CACNA1A: variants seen among roughly 807,000 people sequenced by gnomAD.
CACNA1A encodes voltage-dependent P/Q-type calcium channel subunit alpha-1A.
Under a neutral mutation model 262.4 loss-of-function variants are expected in CACNA1A, and 57 were observed. The ratio of observed to expected loss-of-function variants is 0.22; its 90% CI spans 0.18 to 0.27. The LOEUF (loss-of-function observed/expected upper bound fraction) is 0.27, where lower values mean the gene tolerates loss of function less well. Among genes scored for constraint, CACNA1A ranks in the 10% least tolerant of loss-of-function variants. CACNA1A has a pLI of 1.00. For missense variants in CACNA1A, 2,526 were observed against 3,562.8 expected (o/e 0.71, Z 7.41); for synonymous variants, 1,431 against 1,419.3 (o/e 1.01, Z -0.18).
chr19:13,266,821 C>G (rs1013956266), intron 24 of CACNA1A, among the ~76,000 whole-genome samples: 1 of 152,086 alleles, frequency 6.6e-6, no homozygotes, highest in African/African-American at 2.4e-5. Flanking sequence ...GTGATCTACC[C>G]GCCTCGGCCT....
intron 3 of CACNA1A, among the ~76,000 whole-genome samples, chr19:13,418,513 C>T (rs1389966309): frequency 6.6e-6 from 1 of 152,060 alleles, no homozygotes; most frequent in East Asian, 1.9e-4. Context: ...AGAGTTTATT[C>T]CTGGATTTTC....
intron 3 of CACNA1A, 40 bp from the exon 4 acceptor site, chr19:13,371,819 T>C: frequency 6.8e-7 from 1 of 1,462,564 alleles, no homozygotes. Flanking sequence ...GAGGGTGGGT[T>C]TTGGGGGTCA....
At chr19:13,460,406 C>T (rs1599306061) in intron 1 of CACNA1A, among the ~76,000 whole-genome samples, 1 of 152,182 alleles carries the variant, frequency 6.6e-6, no homozygotes, top group South Asian at 2.1e-4. Context: ...GAGAACTGAA[C>T]AGCCCTGGGT....
At chr19:13,492,056 A>C (rs1209588616) in intron 1 of CACNA1A, among the ~76,000 whole-genome samples, 1 of 152,112 alleles carries the variant, frequency 6.6e-6, no homozygotes, top group Admixed American at 6.5e-5. Context: ...GAGGAAAGGC[A>C]GGCCCAGGGG....
rs573312226 is a variant in CACNA1A, at chr19:13,496,714, A to G, written c.293+9218T>C. 2.0e-5 allele frequency among the ~76,000 whole-genome samples: 3 copies of G among 152,306 alleles called. No individual in the cohort carries two copies. In the East Asian group the frequency reaches 5.8e-4, roughly 29 times the overall value. On this transcript the variant is annotated intron_variant, in intron 1 of 46. Coordinates refer to ENST00000360228, the MANE Select transcript of CACNA1A (RefSeq NM_001127222.2). ...TGGCAAGAAAGAGCAGAATATTAACACTTATGCAGCACCTACTGTGTGCCA... is the reference window on the plus strand; with the variant it reads ...TGGCAAGAAAGAGCAGAATATTAACGCTTATGCAGCACCTACTGTGTGCCA...
chr19:13,327,647 C>G (rs1289569581), intron 10 of CACNA1A, among the ~76,000 whole-genome samples: 1 of 151,496 alleles, frequency 6.6e-6, no homozygotes, highest in African/African-American at 2.4e-5. Flanking sequence ...CATCTCAGCT[C>G]ACTGCAGCCT....
Position 13,235,204 on chromosome 19 carries a change from C to G in CACNA1A, c.5133+5G>C. The G allele has an allele frequency of 6.2e-7, 1 of 1,606,930 alleles. No individual in the cohort carries two copies. Among genetic ancestry groups the G allele is most frequent in the Non-Finnish European group, 8.5e-7 (1 of 1,176,480 alleles). On this transcript the variant is annotated splice_donor_5th_base_variant and intron_variant, in intron 33 of 46. Coordinates refer to ENST00000360228, the MANE Select transcript of CACNA1A (RefSeq NM_001127222.2). ...CTCTGGGAACCTTAGGGACACGACA[C>G]TCACCTGCATCCCAATGATGGCATA...
chr19:13,318,288 A>G (rs1367746242), intron 10 of CACNA1A, among the ~76,000 whole-genome samples: 9 of 152,186 alleles, frequency 5.9e-5, no homozygotes, highest in African/African-American at 2.2e-4. Flanking sequence ...AAGGTCCTGA[A>G]GCATGAATGT....
rs373107804 is a variant in CACNA1A, at chr19:13,299,226, A to G, written c.2407T>C (p.Trp803Arg). ...AGGTGCCGCGTGTAGGCAGCCTTCCAGCGCTCGTCCGGGTCCATTTCGTTA... is the reference window on the plus strand; with the variant it reads ...AGGTGCCGCGTGTAGGCAGCCTTCCGGCGCTCGTCCGGGTCCATTTCGTTA... ...LYNEMDPDER[W>R]KAAYTRHLRP... The change falls in exon 19 of 47, where the codon TGG (tryptophan) becomes CGG (arginine). Residue 803 changes from tryptophan to arginine, a missense_variant. Around this residue, in one of 17 missense-constraint regions of CACNA1A, gnomAD observed 765 missense variants for 748.6 expected, o/e 1.02. Transcript: ENST00000360228. 3 of 1,610,824 alleles carry G rather than the reference A, an allele frequency of 1.9e-6. No homozygotes were observed. The highest frequency in any genetic ancestry group is 1.1e-5 in the South Asian group (1 of 91,086).
At chr19:13,391,457 C>T (rs911583756) in intron 3 of CACNA1A, among the ~76,000 whole-genome samples, 10 of 152,084 alleles carry the variant, frequency 6.6e-5, no homozygotes, top group African/African-American at 2.4e-4. Context: ...GTTTCTATTT[C>T]GGGTGGTTTC....
intron 6 of CACNA1A, among the ~76,000 whole-genome samples, chr19:13,354,556 C>T (rs910108655): frequency 5.9e-5 from 9 of 152,286 alleles, no homozygotes; most frequent in Non-Finnish European, 8.8e-5. Flanking sequence ...AGACGCTACT[C>T]GTTGTTTTAG....
intron 29 of CACNA1A, 85 bp downstream of exon 29, chr19:13,255,010 A>G: frequency 7.5e-7 from 1 of 1,338,776 alleles, no homozygotes; most frequent in Non-Finnish European, 1.1e-6. Context: ...TGTCTGGGAA[A>G]CTGCAGATGG....
At position 13,285,126 on chromosome 19, in the gene CACNA1A, C is replaced by A. The variant is rs201269793; in HGVS notation, c.3634G>T (p.Asp1212Tyr). Residue 1212 changes from aspartate to tyrosine, a missense_variant, in exon 21 of 47, where the codon GAC (aspartate) becomes TAC (tyrosine). Coordinates refer to ENST00000360228, the MANE Select transcript of CACNA1A (RefSeq NM_001127222.2). ...KEEEEDDRGE[D>Y]GPKPMPPYSS... The stretch of plus-strand genomic sequence containing the variant: ...TAGGGAGGCATTGGCTTAGGGCCGT[C>A]TTCCCCACGGTCGTCTTCCTCCTCC... The A allele has an allele frequency of 2.9e-5, 46 of 1,613,858 alleles. No individual in the cohort carries two copies. The highest frequency in any genetic ancestry group is 2.2e-4 in the Admixed American group (13 of 59,998).
chr19:13,334,263 T>C, intron 8 of CACNA1A, 115 bp downstream of exon 8: 1 of 649,218 alleles, frequency 1.5e-6, no homozygotes. Context: ...ATTCAGGTTC[T>C]CTTTCTCCTC....
At position 13,238,595 on chromosome 19, in the gene CACNA1A, AT is replaced by A. The variant is rs113456944; in HGVS notation, c.4951-2866del. Among the ~76,000 whole-genome samples, 333 of 147,522 alleles carry A rather than the reference AT, an allele frequency of 2.3e-3. 2 individuals are homozygous for A. The highest frequency in any genetic ancestry group is 7.5e-3 in the African/African-American group (302 of 40,024). Reference sequence around the variant, plus strand: ...CACTCGCTCACCTCTATCACCCAGTATTTTTTTTTTAAGAGAGTCTCACTCT... The same window carrying A: ...CACTCGCTCACCTCTATCACCCAGTATTTTTTTTTAAGAGAGTCTCACTCT... On this transcript the variant is annotated intron_variant, in intron 31 of 46. Coordinates refer to ENST00000360228, the MANE Select transcript of CACNA1A (RefSeq NM_001127222.2).
chr19:13,380,517 G>A (rs1234957077), intron 3 of CACNA1A, among the ~76,000 whole-genome samples: 2 of 149,730 alleles, frequency 1.3e-5, no homozygotes, highest in Admixed American at 6.7e-5. Flanking sequence ...CGTGGCGGTG[G>A]GCATCTGTAA....
intron 3 of CACNA1A, among the ~76,000 whole-genome samples, chr19:13,436,202 G>A (rs2060608875): frequency 6.6e-6 from 1 of 152,176 alleles, no homozygotes; most frequent in Admixed American, 6.5e-5. Flanking sequence ...CTTTTTCGAA[G>A]CACTCAGCAT....
intron 3 of CACNA1A, among the ~76,000 whole-genome samples, chr19:13,384,283 C>T (rs1409013507): frequency 6.6e-6 from 1 of 151,904 alleles, no homozygotes; most frequent in Non-Finnish European, 1.5e-5. Flanking sequence ...TTATGGAAGA[C>T]CAGATAACCC....
chr19:13,241,565 C>CGGGGGGGGGAGGGGGGGGGG lies in CACNA1A; in HGVS notation c.4950+3616_4950+3617insCCCCCCCCCCTCCCCCCCCC. ...TTGAAGATGAGGGGGAGCGGGCGGG[C>CGGGGGGGGGAGGGGGGGGGG]GGGGGCAGTTGGGGAGGCGTGTTCA... On this transcript the variant is annotated intron_variant, in intron 31 of 46. Coordinates refer to ENST00000360228, the MANE Select transcript of CACNA1A (RefSeq NM_001127222.2). The surrounding 1 kb of genome is among the most constrained non-coding windows in gnomAD (Gnocchi z 4.0). The CGGGGGGGGGAGGGGGGGGGG allele has an allele frequency of 5.2e-6, 1 of 193,566 alleles. No individual in the cohort carries two copies. The highest frequency in any genetic ancestry group is 6.9e-5 in the Admixed American group (1 of 14,470). The allele number at this position is 193,566 out of a possible 1,614,324, so 12.0% of individuals were successfully genotyped here.
Sources: gnomAD v4.1 joint callset for allele counts (sites outside exome capture counted in the v4.1 genomes callset) on GRCh38, gnomAD v4.1.1 for gene constraint, gnomAD v4.1.1 regional missense constraint, Gnocchi (gnomAD v3.1) non-coding constraint, MANE v1.5 for transcripts, NCBI Gene and HGNC (gene_info 2026-07-23, HGNC 2026-07-21) for gene names.